The following SMIM36 variants were observed in gnomAD, a reference collection of about 807,000 sequenced individuals.
The protein encoded by SMIM36 is small integral membrane protein 36.
chr17:55,454,349 A>T (rs1201548870), intron 4 of SMIM36, among the ~76,000 whole-genome samples: 1 of 152,208 alleles, frequency 6.6e-6, no homozygotes, highest in African/African-American at 2.4e-5. Flanking sequence ...AAAGAGAAAG[A>T]ACCGCTGAGG....
intron 3 of SMIM36, among the ~76,000 whole-genome samples, chr17:55,473,377 A>G (rs549873173): frequency 1.3e-5 from 2 of 152,132 alleles, no homozygotes; most frequent in African/African-American, 4.8e-5. Flanking sequence ...TTGGATCGAC[A>G]CCTCCACCAG....
chr17:55,457,929 T>A (rs1909058209), intron 4 of SMIM36, among the ~76,000 whole-genome samples: 1 of 152,230 alleles, frequency 6.6e-6, no homozygotes, highest in Non-Finnish European at 1.5e-5. Context: ...ATCCAAAGGA[T>A]GATGCCTGTT....
intron 4 of SMIM36, 120 bp from the exon 5 acceptor site, chr17:55,450,418 G>A (rs956236587): frequency 2.0e-5 from 3 of 152,250 alleles, no homozygotes; most frequent in East Asian, 1.9e-4. Context: ...ACATTTCCTC[G>A]TTGCTTTCTC....
At chr17:55,503,818 T>C (rs1220595382) in intron 1 of SMIM36, among the ~76,000 whole-genome samples, 1 of 128,592 alleles carries the variant, frequency 7.8e-6, no homozygotes, top group African/African-American at 3.4e-5. Flanking sequence ...GTGTGCTGTA[T>C]TCAGGAAACC....
chr17:55,502,324 G>C (rs1414086174), intron 1 of SMIM36, among the ~76,000 whole-genome samples: 1 of 126,726 alleles, frequency 7.9e-6, no homozygotes, highest in Non-Finnish European at 1.6e-5. Context: ...AAATGTCCCT[G>C]TCTGACAGCT....
chr17:55,478,062 G>A (rs1909455802), intron 3 of SMIM36, among the ~76,000 whole-genome samples: 1 of 151,926 alleles, frequency 6.6e-6, no homozygotes, highest in South Asian at 2.1e-4. Context: ...TGGGTATGAT[G>A]GTATGCACCT....
intron 4 of SMIM36, among the ~76,000 whole-genome samples, chr17:55,458,723 G>GAGTCTGGCCAGGGC (rs1207506471): frequency 6.6e-6 from 1 of 152,104 alleles, no homozygotes; most frequent in Non-Finnish European, 1.5e-5. Flanking sequence ...GCAGGCAGTG[G>GAGTCTGGCCAGGGC]AGTCTGGCCA....
chr17:55,498,881 C>G (rs935526132), intron 1 of SMIM36, among the ~76,000 whole-genome samples: 8 of 150,936 alleles, frequency 5.3e-5, no homozygotes, highest in Non-Finnish European at 7.4e-5. Context: ...CACTTGTAAT[C>G]CCAGTTAATG....
chr17:55,508,270 T>C (rs1218114195), intron 1 of SMIM36, among the ~76,000 whole-genome samples: 1 of 151,920 alleles, frequency 6.6e-6, no homozygotes, highest in East Asian at 1.9e-4. Flanking sequence ...ACCAAGTTAG[T>C]GCCTTGTTTT....
intron 1 of SMIM36, among the ~76,000 whole-genome samples, chr17:55,481,165 T>C (rs1909514653): frequency 6.6e-6 from 1 of 152,066 alleles, no homozygotes; most frequent in South Asian, 2.1e-4. Context: ...CCAGACCAGA[T>C]GGCACTAAGA....
chr17:55,464,008 G>A (rs937465517), intron 4 of SMIM36, among the ~76,000 whole-genome samples: 3 of 151,900 alleles, frequency 2.0e-5, no homozygotes, highest in Non-Finnish European at 4.4e-5. Flanking sequence ...CTAGCTACTC[G>A]AGAGGCTGAG....
chr17:55,476,879 A>G (rs1276564030), intron 3 of SMIM36, among the ~76,000 whole-genome samples: 1 of 152,088 alleles, frequency 6.6e-6, no homozygotes, highest in Non-Finnish European at 1.5e-5. Flanking sequence ...GATGATCACT[A>G]TTTTTTAGGA....
chr17:55,463,870 C>T (rs989803661), intron 4 of SMIM36, among the ~76,000 whole-genome samples: 1 of 151,998 alleles, frequency 6.6e-6, no homozygotes, highest in Non-Finnish European at 1.5e-5. Context: ...AATCTCAGCA[C>T]TTTGGGAGGC....
intron 4 of SMIM36, among the ~76,000 whole-genome samples, chr17:55,456,299 C>G (rs1909022781): frequency 6.6e-6 from 1 of 152,102 alleles, no homozygotes; most frequent in African/African-American, 2.4e-5. Context: ...AGAATGAGGG[C>G]TACGGCCCAT....
In SMIM36 at chr17:55,501,150, T is replaced by TTATGATA. The variant is rs1909937572; in HGVS notation, c.*174+9728_*174+9729insTATCATA. Among the ~76,000 whole-genome samples the TTATGATA allele has an allele frequency of 7.0e-5, 4 of 57,246 alleles. 2 individuals carry two copies. The highest frequency in any genetic ancestry group is 5.6e-4 in the Admixed American group (2 of 3,588). The allele number at this position is 57,246 out of a possible 152,430, so 37.6% of individuals were successfully genotyped here. A position where few individuals can be genotyped will look rare whatever the true frequency, so the allele number is the denominator to read the frequency against. On this transcript the variant is annotated intron_variant, in intron 1 of 4. Coordinates refer to ENST00000636752, the Ensembl canonical transcript of SMIM36. ...TATAATATATAATATATCTTATATT[T>TTATGATA]TATAATATATAATATATCTTATATA...
intron 1 of SMIM36, among the ~76,000 whole-genome samples, chr17:55,492,748 G>A (rs1909736384): frequency 1.3e-5 from 2 of 152,102 alleles, no homozygotes; most frequent in Admixed American, 6.5e-5. Context: ...AAAAGGCAAT[G>A]TTCTACTAAA....
At chr17:55,503,885 C>T (rs1910037380) in intron 1 of SMIM36, among the ~76,000 whole-genome samples, 1 of 134,384 alleles carries the variant, frequency 7.4e-6, no homozygotes, top group Non-Finnish European at 1.6e-5. Context: ...GGAACATCTA[C>T]CAAGCAAATG....
the SMIM36 span, chr17:55,527,648 T>C: frequency 6.6e-6 from 1 of 152,152 alleles, no homozygotes; most frequent in African/African-American, 2.4e-5. Flanking sequence ...TGCATGAGGG[T>C]GACACTATAG....
chr17:55,509,849 G>A (rs899573231), intron 1 of SMIM36, among the ~76,000 whole-genome samples: 1 of 152,134 alleles, frequency 6.6e-6, no homozygotes. Flanking sequence ...CATCAACAAA[G>A]AGAGTGAAGG....
Sources: gnomAD v4.1 joint callset for allele counts (sites outside exome capture counted in the v4.1 genomes callset) on GRCh38, gnomAD v4.1.1 for gene constraint, MANE v1.5 for transcripts, NCBI Gene and HGNC (gene_info 2026-07-23, HGNC 2026-07-21) for gene names.